The following ADAMTSL3 variants were observed in gnomAD, a reference collection of about 807,000 sequenced individuals.
ADAMTSL3 encodes the protein ADAMTS-like protein 3.
ADAMTSL3 carries 128 observed loss-of-function variants against 201.7 expected under a neutral mutation model. The ratio of observed to expected loss-of-function variants is 0.63; its 90% CI spans 0.55 to 0.73. The LOEUF (loss-of-function observed/expected upper bound fraction) is 0.73, where lower values mean the gene tolerates loss of function less well. Among genes scored for constraint, ADAMTSL3 ranks in the 30% least tolerant of loss-of-function variants. ADAMTSL3 has a pLI of 0.00. For missense variants in ADAMTSL3, 1,990 were observed against 2,119.6 expected (o/e 0.94, Z 1.20); for synonymous variants, 738 against 748.4 (o/e 0.99, Z 0.23).
intron 8 of ADAMTSL3, among the ~76,000 whole-genome samples, chr15:83,863,255 C>G (rs2064904550): frequency 6.6e-6 from 1 of 152,164 alleles, no homozygotes; most frequent in Non-Finnish European, 1.5e-5. Context: ...GAACTCAGCT[C>G]TGCACCAAGC....
intron 3 of ADAMTSL3, among the ~76,000 whole-genome samples, chr15:83,713,246 G>A (rs2061956467): frequency 1.3e-5 from 2 of 152,180 alleles, no homozygotes; most frequent in Admixed American, 6.5e-5. Context: ...TGTAGTGGGG[G>A]AACCCTCAAT....
At chr15:83,995,670 T>C (rs1189145975) in intron 23 of ADAMTSL3, among the ~76,000 whole-genome samples, 1 of 152,090 alleles carries the variant, frequency 6.6e-6, no homozygotes, top group Non-Finnish European at 1.5e-5. Context: ...ATAGATAATA[T>C]AATTATCCCC....
chr15:83,882,498 A>C (rs2065295145), intron 9 of ADAMTSL3, among the ~76,000 whole-genome samples: 1 of 152,076 alleles, frequency 6.6e-6, no homozygotes, highest in African/African-American at 2.4e-5. Flanking sequence ...CTTGCATCTC[A>C]CCACTTCTGT....
chr15:83,903,949 A>AGGGG (rs1567226151), intron 15 of ADAMTSL3, among the ~76,000 whole-genome samples: 2 of 38,576 alleles, frequency 5.2e-5, no homozygotes, highest in African/African-American at 3.4e-4. Context: ...AAAAAAGAAA[A>AGGGG]AAGAAAGAAA....
At position 83,657,425 on chromosome 15, in the gene ADAMTSL3, G is replaced by T. The variant is rs115057628; in HGVS notation, c.69+1595G>T. On this transcript the variant is annotated intron_variant, in intron 2 of 29. Transcript: ENST00000286744. Reference sequence around the variant, plus strand: ...GGTCATAAAAGGAGATTTCAGACCAGCAGTCTTCATCATTCACGCCACTCA... The same window carrying T: ...GGTCATAAAAGGAGATTTCAGACCATCAGTCTTCATCATTCACGCCACTCA... 6.7e-3 allele frequency among the ~76,000 whole-genome samples: 1,028 copies of T among 152,302 alleles called. 12 individuals carry two copies. Among genetic ancestry groups the T allele is most frequent in the African/African-American group, 0.023 (938 of 41,546 alleles).
intron 16 of ADAMTSL3, among the ~76,000 whole-genome samples, chr15:83,922,328 A>G (rs912564821): frequency 2.0e-5 from 3 of 152,224 alleles, no homozygotes; most frequent in Non-Finnish European, 4.4e-5. Flanking sequence ...AAAGTGTGTC[A>G]TGAGTGTTGT....
chr15:83,971,566 A>G (rs2067195908), intron 20 of ADAMTSL3, among the ~76,000 whole-genome samples: 1 of 146,612 alleles, frequency 6.8e-6, no homozygotes, highest in African/African-American at 2.4e-5. Flanking sequence ...CTCAAAAAAA[A>G]AAAAAAAAAA....
At chr15:83,736,695 C>G (rs1319583190) in intron 3 of ADAMTSL3, among the ~76,000 whole-genome samples, 1 of 152,118 alleles carries the variant, frequency 6.6e-6, no homozygotes, top group East Asian at 1.9e-4. Context: ...CAATTGTATT[C>G]TTTCCTAGGT....
At chr15:83,929,134 T>C (rs2066302043) in intron 17 of ADAMTSL3, among the ~76,000 whole-genome samples, 1 of 152,228 alleles carries the variant, frequency 6.6e-6, no homozygotes, top group African/African-American at 2.4e-5. Flanking sequence ...TGCCTCTGCA[T>C]GAAACCTTCA....
intron 5 of ADAMTSL3, among the ~76,000 whole-genome samples, chr15:83,813,300 TCCA>T (rs2063725137): frequency 6.6e-6 from 1 of 152,148 alleles, no homozygotes; most frequent in Non-Finnish European, 1.5e-5. Context: ...CTATTCGTTT[TCCA>T]CTACTCCAGC....
Position 83,913,102 on chromosome 15 carries a change from G to A in ADAMTSL3, c.1711G>A (p.Glu571Lys), listed in dbSNP as rs763165798. The A allele has an allele frequency of 6.2e-7, 1 of 1,613,918 alleles. No homozygotes were observed. Among genetic ancestry groups the A allele is most frequent in the South Asian group, 1.1e-5 (1 of 91,064 alleles). The change falls in exon 16 of 30, where the codon GAA (glutamate) becomes AAA (lysine). Residue 571 changes from glutamate (E) to lysine (K), a missense_variant. Glu to Lys is a moderately conservative substitution (Grantham distance 56). Transcript: ENST00000286744. Reference protein sequence around the residue: ...IATEEPTFIPEPWSACSTTCG... With the variant: ...IATEEPTFIPKPWSACSTTCG... ...CCTGGTTTTCCCTAGGTTCATTCCAGAACCCTGGTCAGCCTGCAGTACCAC... is the reference window on the plus strand; with the variant it reads ...CCTGGTTTTCCCTAGGTTCATTCCAAAACCCTGGTCAGCCTGCAGTACCAC...
intron 23 of ADAMTSL3, among the ~76,000 whole-genome samples, chr15:84,002,936 C>CTTTTTTTTTTTTTTTTTTTTT (rs368176543): frequency 3.2e-4 from 32 of 99,964 alleles, no homozygotes; most frequent in African/African-American, 5.6e-4. Flanking sequence ...CTTTTCTTTT[C>CTTTTTTTTTTTTTTTTTTTTT]TTTTTTTTTT....
intron 15 of ADAMTSL3, among the ~76,000 whole-genome samples, chr15:83,912,218 G>A (rs544306769): frequency 3.9e-5 from 6 of 152,266 alleles, no homozygotes; most frequent in East Asian, 1.9e-4. Flanking sequence ...AGGCCAAATG[G>A]TTTCTATTGC....
chr15:83,774,425 T>C (rs1294098540), intron 4 of ADAMTSL3, among the ~76,000 whole-genome samples: 1 of 152,026 alleles, frequency 6.6e-6, no homozygotes, highest in Non-Finnish European at 1.5e-5. Flanking sequence ...TTTGTTGAGG[T>C]CACTGTTCTA....
intron 26 of ADAMTSL3, among the ~76,000 whole-genome samples, 189 bp downstream of exon 26, chr15:84,021,782 G>A (rs1036871616): frequency 2.0e-5 from 3 of 152,158 alleles, no homozygotes; most frequent in Admixed American, 6.5e-5. Context: ...TTCCTGTTTC[G>A]TAGATGGGGA....
chr15:83,883,742 C>A (rs12916223), intron 9 of ADAMTSL3, among the ~76,000 whole-genome samples: 2 of 151,026 alleles, frequency 1.3e-5, no homozygotes, highest in Non-Finnish European at 3.0e-5. Flanking sequence ...TAAACTTTTT[C>A]TTTTGGAGAG....
intron 23 of ADAMTSL3, among the ~76,000 whole-genome samples, chr15:84,008,322 T>C (rs2067933743): frequency 6.6e-6 from 1 of 152,210 alleles, no homozygotes; most frequent in Non-Finnish European, 1.5e-5. Context: ...CTCGAACTCC[T>C]GACCGCAGGT....
chr15:83,912,098 A>G (rs1396451474), intron 15 of ADAMTSL3, among the ~76,000 whole-genome samples: 2 of 152,072 alleles, frequency 1.3e-5, no homozygotes, highest in Non-Finnish European at 2.9e-5. Context: ...TCAAGATACA[A>G]AGTGTTTTTT....
chr15:83,812,900 C>G (rs1436235963), intron 5 of ADAMTSL3, among the ~76,000 whole-genome samples: 3 of 152,182 alleles, frequency 2.0e-5, no homozygotes, highest in African/African-American at 7.2e-5. Flanking sequence ...TTTATTTCCA[C>G]ATTTACAGAG....
Sources: allele counts gnomAD v4.1 joint callset (sites outside exome capture counted in the v4.1 genomes callset), GRCh38; gene constraint gnomAD v4.1.1; transcripts MANE v1.5; gene names NCBI Gene and HGNC (gene_info 2026-07-23, HGNC 2026-07-21).